Variants in TPCN1 observed in about 807,000 individuals in gnomAD.
TPCN1 encodes two pore channel protein 1.
A neutral mutation model predicts 108.8 loss-of-function variants in TPCN1; 52 were observed. The observed-to-expected ratio is 0.48, with a 90% CI of 0.38 to 0.60. The LOEUF (loss-of-function observed/expected upper bound fraction) is 0.60, where lower values mean the gene tolerates loss of function less well. TPCN1 is among the 20% of genes least tolerant of loss of function. The pLI is 0.00. For missense variants in TPCN1, 806 were observed against 1,072.8 expected, an observed-to-expected ratio of 0.75 and a Z score of 3.47; for synonymous variants, 446 against 433.7, an observed-to-expected ratio of 1.03 and a Z score of -0.35.
At chr12:113,291,052 C>G (rs1956249586) in intron 23 of TPCN1, 54 bp downstream of exon 23, 19 of 1,533,626 alleles carry the variant, frequency 1.2e-5, no homozygotes, top group Non-Finnish European at 1.7e-5. Flanking sequence ...GGGGTCGGCC[C>G]TGGGTCTCCC....
chr12:113,246,187 G>A (rs1341459918), intron 2 of TPCN1: 5 of 380,658 alleles, frequency 1.3e-5, no homozygotes, highest in South Asian at 3.8e-5. Context: ...ACTCCTTCCC[G>A]TCCTCTGAGT....
intron 23 of TPCN1, 122 bp downstream of exon 23, chr12:113,291,120 G>A (rs1956252344): frequency 3.0e-6 from 3 of 989,774 alleles, no homozygotes; most frequent in Non-Finnish European, 4.7e-6. Context: ...CTTGAGTCAT[G>A]CTGTGTTGGT....
chr12:113,226,772 A>G lies in TPCN1; in HGVS notation c.-81A>G, dbSNP rs746439189. ...AGTTTCTGAGCAGCACCCCTGGCCC[A>G]GTGGCTTTGAAAGGGAGCTCAAACC... On this transcript the variant is annotated 5_prime_UTR_variant, in exon 2 of 28. Coordinates refer to ENST00000335509, the MANE Select transcript of TPCN1 (RefSeq NM_017901.6). 2 of 1,599,762 alleles carry G rather than the reference A, an allele frequency of 1.3e-6. No homozygotes were observed. The highest frequency in any genetic ancestry group is 2.3e-5 in the East Asian group (1 of 44,412).
In TPCN1 at chr12:113,289,290, T is replaced by C. The variant is rs554552802; in HGVS notation, c.1796+443T>C. Among the ~76,000 whole-genome samples the C allele has an allele frequency of 6.6e-6, 1 of 152,304 alleles. No individual in the cohort carries two copies. The highest frequency in any genetic ancestry group is 2.1e-4 in the South Asian group (1 of 4,826). On this transcript the variant is annotated intron_variant, in intron 21 of 27. Transcript: ENST00000335509. The surrounding 1 kb of genome is among the most constrained non-coding windows in gnomAD (Gnocchi z 4.1). ...AGAGAGTGAAATCTCCCATGAGCAC[T>C]CCCTTTCTCCTGAGCCGCCACAGTG... is the stretch of plus-strand genomic sequence containing the variant.
intron 3 of TPCN1, among the ~76,000 whole-genome samples, chr12:113,260,928 C>G (rs561823419): frequency 6.6e-6 from 1 of 151,564 alleles, no homozygotes; most frequent in Middle Eastern, 3.2e-3. Context: ...CATGGTCGCT[C>G]ATGCCTGTAA....
chr12:113,288,714 C>A lies in TPCN1; in HGVS notation c.1707-44C>A, dbSNP rs768016973. The A allele has an allele frequency of 1.2e-6, 2 of 1,605,174 alleles. No homozygotes were observed. Among genetic ancestry groups the A allele is most frequent in the Non-Finnish European group, 1.7e-6 (2 of 1,178,454 alleles). On this transcript the variant is annotated intron_variant, in intron 20 of 27. Transcript: ENST00000335509. This position sits in a 1 kb window ranked among gnomAD's most constrained non-coding sequence, Gnocchi z 4.8. ...AGGCCGGGGCTGCAGAGGAGCCGTTCCCTCCTGCCGGCCCCGCGTCACCCT... is the reference window on the plus strand; with the variant it reads ...AGGCCGGGGCTGCAGAGGAGCCGTTACCTCCTGCCGGCCCCGCGTCACCCT...
chr12:113,267,813 A>T, intron 4 of TPCN1, 30 bp from the exon 5 acceptor site: 1 of 1,535,010 alleles, frequency 6.5e-7, no homozygotes, highest in East Asian at 2.2e-5. Context: ...TGGGCTGGCC[A>T]TGACACATCT....
chr12:113,288,569 T>G lies in TPCN1; in HGVS notation c.1707-189T>G. 3 of 1,469,436 alleles carry G rather than the reference T, an allele frequency of 2.0e-6. No individual in the cohort carries two copies. In the South Asian group the frequency reaches 4.1e-5, roughly 20 times the overall value. 91.0% of individuals were successfully genotyped at this position (1,469,436 alleles called of 1,614,324 possible). ...GGGAAAGGGGCATTTGTTCATAGCG[T>G]CCTGACTTGAGCTGTTTTTCACCCC... On this transcript the variant is annotated intron_variant, in intron 20 of 27. Coordinates refer to ENST00000335509, the MANE Select transcript of TPCN1 (RefSeq NM_017901.6). This position sits in a 1 kb window ranked among gnomAD's most constrained non-coding sequence, Gnocchi z 4.8.
At position 113,266,599 on chromosome 12, in the gene TPCN1, C is replaced by T. The variant is rs1387378278; in HGVS notation, c.414+243C>T. Reference sequence around the variant, plus strand: ...AGTAAATTCCAGGGAGGGGAAGTGTCCCAGGCCCTGCTCAGGACCAGTGCC... The same window carrying T: ...AGTAAATTCCAGGGAGGGGAAGTGTTCCAGGCCCTGCTCAGGACCAGTGCC... On this transcript the variant is annotated intron_variant, in intron 4 of 27. Coordinates refer to ENST00000335509, the MANE Select transcript of TPCN1 (RefSeq NM_017901.6). The surrounding 1 kb of genome is among the most constrained non-coding windows in gnomAD (Gnocchi z 4.2). Among the ~76,000 whole-genome samples, 1 of 152,204 alleles carries T rather than the reference C, an allele frequency of 6.6e-6. No individual in the cohort carries two copies. The highest frequency in any genetic ancestry group is 1.5e-5 in the Non-Finnish European group (1 of 68,030).
rs372684926 is a variant in TPCN1 at position 113,284,662 on chromosome 12, G to A, written c.1399+25G>A. ...GGTGAGCCCCGCTCAGGGACTGGCC[G>A]TGTCCTGGCCGGCACACCTGGCTTA... On this transcript the variant is annotated intron_variant, in intron 16 of 27. Transcript: ENST00000335509. The surrounding 1 kb of genome is among the most constrained non-coding windows in gnomAD (Gnocchi z 4.1). The A allele has an allele frequency of 8.3e-5, 134 of 1,614,190 alleles. 1 individual carries two copies. The African/African-American group carries it at 1.3e-3, about 15-fold the overall frequency.
rs928414499 is a variant in TPCN1 at position 113,298,035 on chromosome 12, C to G, written c.*1959C>G. On this transcript the variant is annotated 3_prime_UTR_variant, in exon 28 of 28. Coordinates refer to ENST00000335509, the MANE Select transcript of TPCN1 (RefSeq NM_017901.6). ...AGGCCCCGAGGTGGGGGGGCCTATT[C>G]CAGGAGGAGTGGGATCTCGGCCCTG... 1.0e-4 allele frequency: 16 copies of G among 152,388 alleles called. No homozygotes were observed. The highest frequency in any genetic ancestry group is 3.9e-4 in the African/African-American group (16 of 41,446). The allele number at this position is 152,388 out of a possible 1,614,324, so 9.4% of individuals were successfully genotyped here.
At chr12:113,286,963 A>T (rs1421556019) in intron 18 of TPCN1, 24 bp from the exon 19 acceptor site, 2 of 1,576,272 alleles carry the variant, frequency 1.3e-6, no homozygotes, top group Non-Finnish European at 1.7e-6. Context: ...CACAGGGTGG[A>T]CCTTGGCCTC....
chr12:113,287,671 G>A (rs781679334), intron 19 of TPCN1, among the ~76,000 whole-genome samples: 24 of 152,222 alleles, frequency 1.6e-4, no homozygotes, highest in Admixed American at 3.9e-4. Context: ...CGGGACAGGC[G>A]GGGCAGGTGC....
rs374879038 is a variant in TPCN1, at chr12:113,293,077, A to G, written c.2253+4A>G. 211 of 1,610,456 alleles carry G rather than the reference A, an allele frequency of 1.3e-4. No homozygotes were observed. Among genetic ancestry groups the G allele is most frequent in the Non-Finnish European group, 1.6e-4 (190 of 1,178,464 alleles). On this transcript the variant is annotated splice_donor_region_variant and intron_variant, in intron 26 of 27. Coordinates refer to ENST00000335509, the MANE Select transcript of TPCN1 (RefSeq NM_017901.6). ...CTCCCAGATGGAGAGATACCAGGTG[A>G]GGAGCCCAGGCCCTGGTCCGAAGGA...
chr12:113,279,177 A>G (rs1341102295), intron 14 of TPCN1, among the ~76,000 whole-genome samples: 2 of 151,598 alleles, frequency 1.3e-5, no homozygotes, highest in Admixed American at 1.3e-4. Flanking sequence ...CCACCCAGAT[A>G]ACCACTGTTA....
At chr12:113,260,963 C>CT (rs1405251004) in intron 3 of TPCN1, among the ~76,000 whole-genome samples, 2 of 151,908 alleles carry the variant, frequency 1.3e-5, no homozygotes, top group African/African-American at 2.4e-5. Flanking sequence ...GAGGCCAAGG[C>CT]CTGCAGATCA....
chr12:113,292,198 A>G (rs1956290872), intron 25 of TPCN1: 1 of 499,898 alleles, frequency 2.0e-6, no homozygotes, highest in Admixed American at 3.6e-5. Context: ...TTGGAGAAAA[A>G]TCAAGAAGTA....
chr12:113,228,868 G>A (rs1953572069), intron 2 of TPCN1, among the ~76,000 whole-genome samples: 1 of 152,216 alleles, frequency 6.6e-6, no homozygotes, highest in Non-Finnish European at 1.5e-5. Context: ...GCTGCCTAGT[G>A]AGGGAGGGTG....
rs1383530658 is a variant in TPCN1, at chr12:113,288,571, C to A, written c.1707-187C>A. ...GAAAGGGGCATTTGTTCATAGCGTC[C>A]TGACTTGAGCTGTTTTTCACCCCAG... is the stretch of plus-strand genomic sequence containing the variant. On this transcript the variant is annotated intron_variant, in intron 20 of 27. Transcript: ENST00000335509. This position sits in a 1 kb window ranked among gnomAD's most constrained non-coding sequence, Gnocchi z 4.8. 20 of 1,467,490 alleles carry A rather than the reference C, an allele frequency of 1.4e-5. No individual in the cohort carries two copies. The highest frequency in any genetic ancestry group is 1.8e-5 in the Non-Finnish European group (20 of 1,112,024). The allele number at this position is 1,467,490 out of a possible 1,614,324, so 90.9% of individuals were successfully genotyped here. A position where few individuals can be genotyped will look rare whatever the true frequency, so the allele number is the denominator to read the frequency against.
Sources: gnomAD v4.1 joint callset for allele counts (sites outside exome capture counted in the v4.1 genomes callset) on GRCh38, gnomAD v4.1.1 for gene constraint, Gnocchi (gnomAD v3.1) non-coding constraint, MANE v1.5 for transcripts, NCBI Gene and HGNC (gene_info 2026-07-23, HGNC 2026-07-21) for gene names.